The following TPRG1 variants were observed in gnomAD, a reference collection of about 807,000 sequenced individuals.
The protein encoded by TPRG1 is tumor protein p63-regulated gene 1 protein.
Under a neutral mutation model 29.3 loss-of-function variants are expected in TPRG1, and 29 were observed. That is an observed-to-expected ratio of 0.99 (90% CI 0.74 to 1.35). TPRG1 has a LOEUF of 1.35. Among genes scored for constraint, TPRG1 ranks in the 40% most tolerant of loss-of-function variants. TPRG1 has a pLI of 0.00. For synonymous variants in TPRG1, 130 were observed against 116.8 expected (o/e 1.11, Z -0.73); for missense variants, 327 against 335.0 (o/e 0.98, Z 0.19).
intron 4 of TPRG1, among the ~76,000 whole-genome samples, chr3:189,036,498 G>A (rs1419662211): frequency 3.3e-5 from 5 of 151,988 alleles, no homozygotes; most frequent in Non-Finnish European, 5.9e-5. Context: ...GTTGAGATAA[G>A]TTATAGGAGA....
chr3:189,050,501 G>C (rs914352244), intron 4 of TPRG1, among the ~76,000 whole-genome samples: 3 of 152,106 alleles, frequency 2.0e-5, no homozygotes, highest in Non-Finnish European at 4.4e-5. Flanking sequence ...AATTCTATCA[G>C]ACATTCACAG....
intron 4 of TPRG1, among the ~76,000 whole-genome samples, chr3:189,297,492 C>G (rs1037053512): frequency 6.6e-6 from 1 of 152,146 alleles, no homozygotes; most frequent in Non-Finnish European, 1.5e-5. Flanking sequence ...TCCTCCCACT[C>G]CCTCTGACTA....
At chr3:189,002,501 T>C (rs1712079140) in intron 2 of TPRG1, among the ~76,000 whole-genome samples, 1 of 152,116 alleles carries the variant, frequency 6.6e-6, no homozygotes, top group Non-Finnish European at 1.5e-5. Flanking sequence ...TCTAGAGTCA[T>C]ACTATGTAGG....
At chr3:189,217,352 T>C (rs1263280631) in intron 3 of TPRG1, among the ~76,000 whole-genome samples, 3 of 152,328 alleles carry the variant, frequency 2.0e-5, no homozygotes, top group African/African-American at 4.8e-5. Context: ...TCATTTTACA[T>C]TTCTCTTTTG....
chr3:189,022,519 G>A (rs375934865), intron 3 of TPRG1, among the ~76,000 whole-genome samples: 1,921 of 147,546 alleles, frequency 0.013, 43 homozygotes, highest in African/African-American at 0.045. Flanking sequence ...CCCCTGCTGG[G>A]GGGTGCCTCC....
At chr3:189,186,675 C>T (rs993336155) in intron 1 of TPRG1, among the ~76,000 whole-genome samples, 3 of 151,744 alleles carry the variant, frequency 2.0e-5, no homozygotes, top group Admixed American at 6.6e-5. Context: ...CCACACCAGA[C>T]CTGAGTAGAT....
intron 3 of TPRG1, among the ~76,000 whole-genome samples, chr3:189,227,441 A>G (rs928178648): frequency 6.8e-4 from 104 of 152,212 alleles, no homozygotes; most frequent in Non-Finnish European, 1.1e-3. Flanking sequence ...TCAGTGTGGC[A>G]GTTTTAGTTC....
At chr3:189,270,621 G>GA (rs1257647945) in intron 4 of TPRG1, among the ~76,000 whole-genome samples, 5 of 152,156 alleles carry the variant, frequency 3.3e-5, no homozygotes, top group Non-Finnish European at 5.9e-5. Context: ...CTGGCCATGT[G>GA]AAAAAAGTGG....
At chr3:189,068,860 G>T (rs993226641) in intron 4 of TPRG1, among the ~76,000 whole-genome samples, 1 of 152,126 alleles carries the variant, frequency 6.6e-6, no homozygotes, top group East Asian at 1.9e-4. Flanking sequence ...ACAACGTGGA[G>T]AGAACTGGAG....
At chr3:189,165,291 G>A (rs1728014019) in intron 5 of TPRG1, among the ~76,000 whole-genome samples, 1 of 151,746 alleles carries the variant, frequency 6.6e-6, no homozygotes, top group South Asian at 2.1e-4. Context: ...AGACACACAG[G>A]TTTTACTGCT....
intron 5 of TPRG1, among the ~76,000 whole-genome samples, chr3:189,312,346 C>T (rs1000760007): frequency 3.3e-5 from 5 of 151,706 alleles, no homozygotes; most frequent in Admixed American, 6.6e-5. Flanking sequence ...GGACTACAGG[C>T]GCCCGAAAAC....
chr3:189,005,337 T>C (rs721822), intron 3 of TPRG1, among the ~76,000 whole-genome samples: 6,224 of 152,140 alleles, frequency 0.041, 420 homozygotes, highest in African/African-American at 0.14. Flanking sequence ...GATTCACTGA[T>C]TTTCTAGTGG....
chr3:189,152,666 A>T (rs1726106043), intron 5 of TPRG1, among the ~76,000 whole-genome samples: 1 of 151,232 alleles, frequency 6.6e-6, no homozygotes, highest in Non-Finnish European at 1.5e-5. Flanking sequence ...AAAAAGTAGG[A>T]TTGGTACCCG....
chr3:189,266,306 C>G (rs1408817482), intron 4 of TPRG1, among the ~76,000 whole-genome samples: 8 of 152,168 alleles, frequency 5.3e-5, no homozygotes, highest in Non-Finnish European at 1.0e-4. Flanking sequence ...GTCAGTTCCT[C>G]TATGTGTATT....
At chr3:189,240,797 C>T (rs2108955968) in intron 4 of TPRG1, among the ~76,000 whole-genome samples, 1 of 151,790 alleles carries the variant, frequency 6.6e-6, no homozygotes. Flanking sequence ...TATGCCTATA[C>T]ACGTTTAAAA....
At position 189,320,634 on chromosome 3, in the gene TPRG1, GT is replaced by G. The variant is rs779311632; in HGVS notation, c.644del (p.Phe215SerfsTer25). ...CTTTTTTTCTTCTTCAGTTGTCTGG[GT>G]TCATGTCTAAGCTTGTTCCAGCTAT... is the stretch of plus-strand genomic sequence containing the variant. ...KFLEICKLSG[F>X]MSKLVPAIQN... On this transcript the variant is annotated frameshift_variant, in exon 6 of 6. Coordinates refer to ENST00000345063, the MANE Select transcript of TPRG1 (RefSeq NM_198485.4). LOFTEE classifies it high-confidence loss of function. 3.9e-5 allele frequency: 63 copies of G among 1,603,904 alleles called. No homozygotes were observed. Among genetic ancestry groups the G allele is most frequent in the Non-Finnish European group, 5.2e-5 (61 of 1,176,210 alleles).
At chr3:189,006,980 G>T (rs547698870) in intron 3 of TPRG1, among the ~76,000 whole-genome samples, 52 of 152,168 alleles carry the variant, frequency 3.4e-4, no homozygotes, top group Admixed American at 5.2e-4. Context: ...CAGGACATAG[G>T]CATGGGCAAG....
At chr3:189,312,705 A>G (rs1168756316) in intron 5 of TPRG1, among the ~76,000 whole-genome samples, 1 of 152,222 alleles carries the variant, frequency 6.6e-6, no homozygotes, top group African/African-American at 2.4e-5. Flanking sequence ...TTATTCTGTT[A>G]TATATAAATA....
At chr3:189,011,982 T>C (rs942012061) in intron 3 of TPRG1, among the ~76,000 whole-genome samples, 3 of 152,230 alleles carry the variant, frequency 2.0e-5, no homozygotes, top group Admixed American at 1.3e-4. Context: ...ACAGTGATTT[T>C]GTATCCTGAG....
Sources: gnomAD v4.1 joint callset for allele counts (sites outside exome capture counted in the v4.1 genomes callset) on GRCh38, gnomAD v4.1.1 for gene constraint, MANE v1.5 for transcripts, NCBI Gene and HGNC (gene_info 2026-07-23, HGNC 2026-07-21) for gene names.